Variants in LONP1 observed in about 807,000 individuals in gnomAD.
LONP1 encodes lon protease homolog, mitochondrial.
In LONP1, 31 loss-of-function variants were observed where a neutral mutation model predicts 98.5. The observed-to-expected ratio is 0.31, with a 90% CI of 0.24 to 0.42. The LOEUF is 0.42. Among genes scored for constraint, LONP1 ranks in the 20% least tolerant of loss-of-function variants. LONP1 has a pLI of 1.00. For synonymous variants in LONP1, 781 were observed against 594.7 expected, an observed-to-expected ratio of 1.31 and a Z score of -4.56; for missense variants, 1,336 against 1,350.6, an observed-to-expected ratio of 0.99 and a Z score of 0.17.
chr19:5,713,961 A>C (rs1386388690), intron 2 of LONP1, among the ~76,000 whole-genome samples: 1 of 152,182 alleles, frequency 6.6e-6, no homozygotes, highest in Non-Finnish European at 1.5e-5. Context: ...CCCTGAAGTT[A>C]ATTTCCCCCG....
At chr19:5,714,136 A>T (rs762782624) in intron 2 of LONP1, 47 bp downstream of exon 2, 1 of 1,442,658 alleles carries the variant, frequency 6.9e-7, no homozygotes, top group Non-Finnish European at 9.7e-7. Flanking sequence ...GGTGAGCTGG[A>T]CTCTAGGGCA....
chr19:5,719,364 C>A (rs974520055), intron 1 of LONP1, among the ~76,000 whole-genome samples: 1 of 152,204 alleles, frequency 6.6e-6, no homozygotes, highest in Admixed American at 6.6e-5. Flanking sequence ...GGAGGTATTA[C>A]AAAACTCGTG....
Position 5,692,092 on chromosome 19 carries a change from C to T in LONP1, c.2820G>A (p.Arg940=). The change falls in exon 18 of 18, where the codon CGG becomes CGA. Residue 940 remains arginine, a synonymous_variant. Coordinates refer to ENST00000360614, the MANE Select transcript of LONP1 (RefSeq NM_004793.4). ...GLEVHFVEHY[R]EIFDIAFPDE... ...CCGGGAAGGCGATGTCGAAGATCTC[C>T]CGGTAGTGTTCCACGAAGTGCACCT... 6.2e-7 allele frequency: 1 copy of T among 1,610,780 alleles called. No individual in the cohort carries two copies. The highest frequency in any genetic ancestry group is 8.5e-7 in the Non-Finnish European group (1 of 1,178,022).
intron 7 of LONP1, 74 bp from the exon 8 acceptor site, chr19:5,706,066 G>A (rs2055140695): frequency 1.1e-6 from 1 of 942,856 alleles, no homozygotes; most frequent in Non-Finnish European, 1.7e-6. Context: ...CAGACGAAGG[G>A]GGACCCTCTG....
intron 6 of LONP1, 48 bp downstream of exon 6, chr19:5,707,649 G>A (rs753864364): frequency 1.9e-6 from 3 of 1,580,640 alleles, no homozygotes; most frequent in Non-Finnish European, 2.6e-6. Context: ...CATAGTGGAG[G>A]TGGGGTGCAG....
intron 8 of LONP1, among the ~76,000 whole-genome samples, chr19:5,704,978 T>C (rs1243331745): frequency 1.3e-5 from 2 of 151,878 alleles, no homozygotes; most frequent in East Asian, 1.9e-4. Context: ...CTGGCCAACA[T>C]GGCAAAACCC....
At chr19:5,702,106 CCCCGTCCGGGAGGTGAGGGGCGCCTCTG>C (rs2055059676) in intron 8 of LONP1, among the ~76,000 whole-genome samples, 1 of 150,876 alleles carries the variant, frequency 6.6e-6, no homozygotes, top group Non-Finnish European at 1.5e-5. Flanking sequence ...CGGCCAGCCG[CCCCGTCCGGGAGGTGAGGGGCGCCTCTG>C]CCCGGCCGCC....
chr19:5,720,092 G>A lies in LONP1; in HGVS notation c.41C>T (p.Ala14Val). 6.8e-7 allele frequency: 1 copy of A among 1,477,584 alleles called. No homozygotes were observed. Among genetic ancestry groups the A allele is most frequent in the Non-Finnish European group, 8.9e-7 (1 of 1,123,788 alleles). 91.5% of individuals were successfully genotyped at this position (1,477,584 alleles called of 1,614,324 possible). The change falls in exon 1 of 18, where the codon GCG becomes GTG. Residue 14 changes from alanine to valine, a missense_variant. Physicochemically the swap from Ala to Val is moderately conservative, Grantham distance 64 (BLOSUM62 0). Transcript: ENST00000360614. ...STGYVRLWGA[A>V]RCWVLRRPML... ...CGGCCGCCGCAGCACCCAGCACCGCGCCGCTCCCCACAGTCGCACGTAGCC... is the reference window on the plus strand; with the variant it reads ...CGGCCGCCGCAGCACCCAGCACCGCACCGCTCCCCACAGTCGCACGTAGCC...
chr19:5,707,634 C>A, intron 6 of LONP1, 63 bp downstream of exon 6: 1 of 1,559,800 alleles, frequency 6.4e-7, no homozygotes. Flanking sequence ...CGGGCGTGGG[C>A]GGAGCATAGT....
intron 8 of LONP1, among the ~76,000 whole-genome samples, chr19:5,702,345 G>T (rs2145600715): frequency 6.7e-6 from 1 of 149,104 alleles, no homozygotes; most frequent in Non-Finnish European, 1.5e-5. Context: ...CCCCGTCCGG[G>T]AGGGAGGTGG....
intron 16 of LONP1, 38 bp downstream of exon 16, chr19:5,693,514 A>T (rs1284124813): frequency 6.2e-7 from 1 of 1,612,656 alleles, no homozygotes; most frequent in Non-Finnish European, 8.5e-7. Context: ...CAGCCCAGGG[A>T]CTGGGCGGGA....
Position 5,714,248 on chromosome 19 carries a change from C to T in LONP1, c.453G>A (p.Glu151=). 1.2e-6 allele frequency: 2 copies of T among 1,613,818 alleles called. No individual in the cohort carries two copies. Among genetic ancestry groups the T allele is most frequent in the African/African-American group, 1.3e-5 (1 of 75,040 alleles). ...IIEVKNKKLV[E]LLRRKVRLAQ... ...CGAGACGAACTTTCCTTCTCAGCAGCTCAACCAACTTCTTATTTTTAACCT... is the reference window on the plus strand; with the variant it reads ...CGAGACGAACTTTCCTTCTCAGCAGTTCAACCAACTTCTTATTTTTAACCT... The change falls in exon 2 of 18, where the codon GAG becomes GAA. Residue 151 remains glutamate, a synonymous_variant. Coordinates refer to ENST00000360614, the MANE Select transcript of LONP1 (RefSeq NM_004793.4).
intron 3 of LONP1, 145 bp downstream of exon 3, chr19:5,712,989 C>T: frequency 9.0e-7 from 1 of 1,105,934 alleles, no homozygotes. Context: ...CTCACTCTCA[C>T]CCCCAGCTCT....
chr19:5,704,093 G>A (rs1355377533), intron 8 of LONP1, among the ~76,000 whole-genome samples: 1 of 152,214 alleles, frequency 6.6e-6, no homozygotes, highest in Non-Finnish European at 1.5e-5. Flanking sequence ...TGACCCAGGG[G>A]GCCCAGGTTC....
chr19:5,696,138 G>A lies in LONP1; in HGVS notation c.1929C>T (p.Asp643=). 8 of 1,612,946 alleles carry A rather than the reference G, an allele frequency of 5.0e-6. No individual in the cohort carries two copies. Among genetic ancestry groups the A allele is most frequent in the Non-Finnish European group, 6.8e-6 (8 of 1,179,888 alleles). ...GGTCTCGCAGCGGCTCGGGGATGGT[G>A]TCCGTGACGTTGGCCGTGCAGATGA... is the stretch of plus-strand genomic sequence containing the variant. ...VLFICTANVT[D]TIPEPLRDRM... is the part of the protein sequence containing the mutation. Residue 643 remains aspartate, a synonymous_variant, in exon 13 of 18, where the codon GAC becomes GAT. Transcript: ENST00000360614.
At chr19:5,702,086 G>GC (rs1331464017) in intron 8 of LONP1, among the ~76,000 whole-genome samples, 4 of 150,308 alleles carry the variant, frequency 2.7e-5, no homozygotes, top group African/African-American at 7.3e-5. Flanking sequence ...GGGGGGGTCA[G>GC]CCCCCCACCC....
intron 14 of LONP1, 91 bp downstream of exon 14, chr19:5,694,670 A>T: frequency 7.0e-7 from 1 of 1,422,878 alleles, no homozygotes; most frequent in Non-Finnish European, 9.6e-7. Context: ...TGGGCGCAGG[A>T]AAGTGGGATG....
upstream of LONP1, chr19:5,720,243 G>A: frequency 7.4e-7 from 1 of 1,353,774 alleles, no homozygotes; most frequent in Non-Finnish European, 9.5e-7. Flanking sequence ...GCTCGAAACA[G>A]CCGCTTCAGG....
chr19:5,713,533 A>C (rs775230676), intron 2 of LONP1, among the ~76,000 whole-genome samples: 2 of 152,186 alleles, frequency 1.3e-5, no homozygotes, highest in Non-Finnish European at 2.9e-5. Flanking sequence ...CTTCTATGCT[A>C]TCACAGAGCC....
Sources: allele counts gnomAD v4.1 joint callset (sites outside exome capture counted in the v4.1 genomes callset), GRCh38; gene constraint gnomAD v4.1.1; transcripts MANE v1.5; gene names NCBI Gene and HGNC (gene_info 2026-07-23, HGNC 2026-07-21).